The following SACM1L variants were observed in gnomAD, a reference collection of about 807,000 sequenced individuals.
SACM1L encodes the protein phosphatidylinositol-3-phosphatase SAC1.
A neutral mutation model predicts 89.5 loss-of-function variants in SACM1L; 32 were observed. The ratio of observed to expected loss-of-function variants is 0.36; its 90% CI spans 0.27 to 0.48. The LOEUF is 0.48. SACM1L is among the 20% of genes least tolerant of loss of function. The probability of loss-of-function intolerance (pLI) is 0.99; values close to 1 mark genes in which losing one functional copy is unlikely to be tolerated. For synonymous variants in SACM1L, 213 were observed against 232.8 expected (o/e 0.92, Z 0.77); for missense variants, 543 against 708.5 (o/e 0.77, Z 2.65).
chr3:45,714,479 C>G (rs1223240015), intron 7 of SACM1L, among the ~76,000 whole-genome samples: 3 of 151,988 alleles, frequency 2.0e-5, no homozygotes, highest in African/African-American at 7.3e-5. Context: ...ACCTCTAGTC[C>G]CAGTTACTCA....
In SACM1L at chr3:45,743,965, A is replaced by G. The variant is rs112545981; in HGVS notation, c.*296A>G. ...GTTCATTGTATTCTATTGATTGTCA[A>G]TTTAATTAGCTGTTGCAGAATAAGT... On this transcript the variant is annotated 3_prime_UTR_variant, in exon 20 of 20. Coordinates refer to ENST00000389061, the MANE Select transcript of SACM1L (RefSeq NM_014016.5). The G allele has an allele frequency of 3.4e-3, 784 of 231,614 alleles. 7 individuals carry two copies. The highest frequency in any genetic ancestry group is 0.016 in the African/African-American group (727 of 44,446). The allele number at this position is 231,614 out of a possible 1,614,324, so 14.3% of individuals were successfully genotyped here.
At chr3:45,705,505 T>C (rs1698370089) in intron 3 of SACM1L, among the ~76,000 whole-genome samples, 1 of 148,994 alleles carries the variant, frequency 6.7e-6, no homozygotes, top group Admixed American at 6.7e-5. Context: ...AATTTTTTTT[T>C]TTTTTTTTTT....
At chr3:45,692,208 A>G (rs57901916) in intron 1 of SACM1L, among the ~76,000 whole-genome samples, 4 of 152,136 alleles carry the variant, frequency 2.6e-5, no homozygotes, top group African/African-American at 9.7e-5. Flanking sequence ...TAACTTGACT[A>G]CTTGTTTTGT....
chr3:45,722,833 T>G (rs780236260), intron 9 of SACM1L, 36 bp from the exon 10 acceptor site: 29 of 1,471,264 alleles, frequency 2.0e-5, no homozygotes, highest in Non-Finnish European at 2.8e-5. Flanking sequence ...ACAAGTATGT[T>G]TGTGTTTCTT....
chr3:45,722,219 A>G (rs1698805404), intron 9 of SACM1L, 134 bp downstream of exon 9: 5 of 606,258 alleles, frequency 8.2e-6, no homozygotes, highest in Non-Finnish European at 1.1e-5. Context: ...GTGCAGAAAA[A>G]GTTCACCCCA....
At chr3:45,707,094 GT>G (rs890035757) in intron 4 of SACM1L, 187 bp downstream of exon 4, 7,476 of 358,942 alleles carry the variant, frequency 0.021, no homozygotes, top group South Asian at 0.034. Flanking sequence ...TGTTGCTCTT[GT>G]TTTTTTTTTT....
chr3:45,702,041 A>G (rs1698287687), intron 1 of SACM1L, among the ~76,000 whole-genome samples: 1 of 152,206 alleles, frequency 6.6e-6, no homozygotes, highest in Non-Finnish European at 1.5e-5. Context: ...GGTTAAATTG[A>G]AGATTGCTGT....
chr3:45,707,225 T>C (rs1430306807), intron 4 of SACM1L: 1 of 204,322 alleles, frequency 4.9e-6, no homozygotes, highest in Non-Finnish European at 9.9e-6. Context: ...AAAATATAAA[T>C]ACCTTTGAAG....
chr3:45,709,599 G>T lies in SACM1L; in HGVS notation c.435G>T (p.Arg145=). 6.2e-7 allele frequency: 1 copy of T among 1,613,852 alleles called. No individual in the cohort carries two copies. Among genetic ancestry groups the T allele is most frequent in the Non-Finnish European group, 8.5e-7 (1 of 1,179,848 alleles). The change falls in exon 5 of 20, where the codon CGG becomes CGT. Residue 145 remains arginine (R), a synonymous_variant. Transcript: ENST00000389061. ...TTYDLTHTLQ[R]LSNTSPEFQE... is the part of the protein sequence containing the mutation. ...ATGATTTGACCCATACTTTGCAGCG[G>T]CTATCCAACACTAGTCCTGAATTCC...
At chr3:45,724,295 TC>T (rs1454309200) in intron 11 of SACM1L, among the ~76,000 whole-genome samples, 1 of 86,802 alleles carries the variant, frequency 1.2e-5, no homozygotes, top group African/African-American at 4.0e-5. Context: ...ATTGTTGTTT[TC>T]TGGTGTGTGT....
At chr3:45,725,962 G>GT (rs955693581) in intron 11 of SACM1L, among the ~76,000 whole-genome samples, 20 of 151,794 alleles carry the variant, frequency 1.3e-4, no homozygotes, top group South Asian at 1.3e-3. Context: ...ATGCTCGTTT[G>GT]TTTTTTTTCC....
intron 14 of SACM1L, 23 bp from the exon 15 acceptor site, chr3:45,737,560 C>G (rs568347048): frequency 6.3e-7 from 1 of 1,585,668 alleles, no homozygotes; most frequent in Admixed American, 1.9e-5. Context: ...ACACATAAAT[C>G]TGGGTGTGGT....
intron 4 of SACM1L, chr3:45,707,272 G>A: frequency 5.8e-6 from 1 of 171,910 alleles, no homozygotes. Flanking sequence ...CTTTCCCAGA[G>A]AGGTTTTCTC....
intron 1 of SACM1L, among the ~76,000 whole-genome samples, chr3:45,693,717 C>T (rs1484324528): frequency 1.3e-5 from 2 of 152,124 alleles, no homozygotes; most frequent in African/African-American, 4.8e-5. Flanking sequence ...CTCAGACATG[C>T]CAGGTATTGA....
chr3:45,742,393 C>G (rs895692285), intron 19 of SACM1L, among the ~76,000 whole-genome samples: 1 of 152,124 alleles, frequency 6.6e-6, no homozygotes, highest in African/African-American at 2.4e-5. Flanking sequence ...GAATAGAAAA[C>G]AAATGTAGCA....
intron 1 of SACM1L, 113 bp from the exon 2 acceptor site, chr3:45,703,325 T>C (rs1044212733): frequency 1.5e-6 from 1 of 683,232 alleles, no homozygotes; most frequent in Non-Finnish European, 2.5e-6. Context: ...TTCATCCTTT[T>C]AGAAGCTGGG....
chr3:45,707,885 CTT>C (rs1698434395), intron 4 of SACM1L, among the ~76,000 whole-genome samples: 1 of 151,392 alleles, frequency 6.6e-6, no homozygotes, highest in Admixed American at 6.6e-5. Flanking sequence ...GTTCAAGTCT[CTT>C]GATAAATTTT....
At chr3:45,699,469 A>AAATTATG (rs33959249) in intron 1 of SACM1L, among the ~76,000 whole-genome samples, 65 of 506 alleles carry the variant, frequency 0.13, no homozygotes, top group African/African-American at 0.33. Flanking sequence ...AAATTTTATA[A>AAATTATG]AATTATAAAT....
At chr3:45,689,539 G>T in intron 1 of SACM1L, 42 bp downstream of exon 1, 1 of 1,548,650 alleles carries the variant, frequency 6.5e-7, no homozygotes, top group Non-Finnish European at 8.7e-7. Context: ...GGCGGGCGGG[G>T]CGGCAGGTGC....
Sources: gnomAD v4.1 joint callset for allele counts (sites outside exome capture counted in the v4.1 genomes callset) on GRCh38, gnomAD v4.1.1 for gene constraint, MANE v1.5 for transcripts, NCBI Gene and HGNC (gene_info 2026-07-23, HGNC 2026-07-21) for gene names.